The following TRA2A variants were observed in gnomAD, a reference collection of about 807,000 sequenced individuals.
TRA2A encodes transformer 2 alpha homolog, also known as transformer-2 protein homolog alpha.
TRA2A carries 31 observed loss-of-function variants against 45.7 expected under a neutral mutation model. That is an observed-to-expected ratio of 0.68 (90% CI 0.51 to 0.92). The LOEUF (loss-of-function observed/expected upper bound fraction) is 0.92, where lower values mean the gene tolerates loss of function less well. Ranked by LOEUF, TRA2A falls within the 40% of genes least tolerant of loss-of-function variation. The pLI is 0.00. For missense variants in TRA2A, 304 were observed against 367.5 expected (o/e 0.83, Z 1.41); for synonymous variants, 132 against 126.2 (o/e 1.05, Z -0.31).
chr7:23,516,260 A>C, intron 3 of TRA2A, 103 bp downstream of exon 3: 7 of 1,096,242 alleles, frequency 6.4e-6, no homozygotes, highest in Non-Finnish European at 9.3e-6. Context: ...TTTCCAGAGT[A>C]TCACTTCTAA....
chr7:23,531,650 G>A, intron 1 of TRA2A, 139 bp downstream of exon 1: 3 of 858,510 alleles, frequency 3.5e-6, no homozygotes, highest in Non-Finnish European at 5.5e-6. Context: ...AGCCATCTTG[G>A]GATGGGAGGA....
chr7:23,505,940 C>T lies in TRA2A; in HGVS notation c.771-127G>A, dbSNP rs534314131. ...TGATAACTACTTAATATTAAGTTCT[C>T]TTTCTGCCAATGAGACCAGAAAAGT... is the stretch of plus-strand genomic sequence containing the variant. On this transcript the variant is annotated intron_variant, in intron 6 of 7. Transcript: ENST00000297071. 79 of 705,646 alleles carry T rather than the reference C, an allele frequency of 1.1e-4. 1 individual carries two copies. The South Asian group carries it at 2.1e-3, about 19-fold the overall frequency. The allele number at this position is 705,646 out of a possible 1,614,324, so 43.7% of individuals were successfully genotyped here.
In TRA2A at chr7:23,521,747, T is replaced by G; in HGVS notation, c.130A>C (p.Lys44Gln). 6.2e-7 allele frequency: 1 copy of G among 1,614,180 alleles called. No homozygotes were observed. The highest frequency in any genetic ancestry group is 8.5e-7 in the Non-Finnish European group (1 of 1,180,022). The change falls in exon 2 of 8, where the codon AAA becomes CAA. Residue 44 changes from lysine to glutamine, a missense_variant. Lys to Gln is a moderately conservative substitution (Grantham distance 53). Around this residue, in one of 3 missense-constraint regions of TRA2A, gnomAD observed 132 missense variants for 113.4 expected, o/e 1.16. Coordinates refer to ENST00000297071, the MANE Select transcript of TRA2A (RefSeq NM_013293.5). The stretch of plus-strand genomic sequence containing the variant: ...GATCGAGAATGGGATTCAGAGTGTT[T>G]GGAAACCCTTGATGGACTACGAGAT... The part of the protein sequence containing the change: ...SGSRSPSRVS[K>Q]HSESHSRSRS...
rs563001575 is a variant in TRA2A at position 23,531,941 on chromosome 7, G to T, written c.-117C>A. 1.8e-5 allele frequency: 20 copies of T among 1,121,602 alleles called. No individual in the cohort carries two copies. The East Asian group carries it at 3.9e-4, about 22-fold the overall frequency. 69.5% of individuals were successfully genotyped at this position (1,121,602 alleles called of 1,614,324 possible). On this transcript the variant is annotated 5_prime_UTR_variant, in exon 1 of 8. Coordinates refer to ENST00000297071, the MANE Select transcript of TRA2A (RefSeq NM_013293.5). ...GAGGAAAGAGTCGGCAACCACAGCC[G>T]CTCCACTCCACTCCCACTCGGTCGC...
intron 1 of TRA2A, chr7:23,522,137 A>AC (rs1562798545): frequency 1.6e-6 from 2 of 1,216,340 alleles, no homozygotes; most frequent in Non-Finnish European, 1.0e-6. Flanking sequence ...TTAACCTAGG[A>AC]CCCATTCATT....
intron 4 of TRA2A, among the ~76,000 whole-genome samples, chr7:23,510,637 T>C (rs1045207824): frequency 3.9e-5 from 6 of 152,160 alleles, no homozygotes; most frequent in Admixed American, 3.3e-4. Flanking sequence ...CCTGCCATTT[T>C]AGTTTTATCC....
intron 1 of TRA2A, among the ~76,000 whole-genome samples, chr7:23,527,850 T>C (rs1194649996): frequency 2.0e-5 from 3 of 152,204 alleles, no homozygotes; most frequent in Non-Finnish European, 2.9e-5. Flanking sequence ...CTACTTATAT[T>C]GAGCAGATCA....
At chr7:23,530,133 ATAAT>A (rs1426505502) in intron 1 of TRA2A, among the ~76,000 whole-genome samples, 4 of 152,300 alleles carry the variant, frequency 2.6e-5, no homozygotes, top group African/African-American at 9.6e-5. Context: ...ATTTCTATCG[ATAAT>A]TACTCAACAT....
chr7:23,531,320 C>T, intron 1 of TRA2A: 3 of 904,694 alleles, frequency 3.3e-6, no homozygotes, highest in Non-Finnish European at 4.0e-6. Flanking sequence ...CCCACGCCAG[C>T]TTCTCCCCGC....
At chr7:23,520,404 A>G (rs1026066046) in intron 2 of TRA2A, among the ~76,000 whole-genome samples, 5 of 152,242 alleles carry the variant, frequency 3.3e-5, no homozygotes, top group African/African-American at 1.2e-4. Flanking sequence ...CAAAGGCCCT[A>G]AGGCAAAAAC....
rs539598910 is a variant in TRA2A at position 23,516,160 on chromosome 7, C to T, written c.336+203G>A. The stretch of plus-strand genomic sequence containing the variant: ...GTCTAAAAAAAAGAAAATATACTTC[C>T]TTTGCATTCTTTGTCATAAAACATG... On this transcript the variant is annotated intron_variant, in intron 3 of 7. Transcript: ENST00000297071. 3.3e-5 allele frequency among the ~76,000 whole-genome samples: 5 copies of T among 152,222 alleles called. No individual in the cohort carries two copies. In the East Asian group the frequency reaches 9.7e-4, roughly 29 times the overall value.
At chr7:23,510,528 C>T (rs1016557724) in intron 4 of TRA2A, among the ~76,000 whole-genome samples, 1 of 146,974 alleles carries the variant, frequency 6.8e-6, no homozygotes. Flanking sequence ...GGGTTTCACC[C>T]TGTTGGCCAG....
rs371285829 is a variant in TRA2A, at chr7:23,516,494, T to C, written c.205A>G (p.Thr69Ala). 3 of 1,614,048 alleles carry C rather than the reference T, an allele frequency of 1.9e-6. No homozygotes were observed. Among genetic ancestry groups the C allele is most frequent in the African/African-American group, 1.3e-5 (1 of 74,924 alleles). ...GAGTGAGAGTGGGATCTGGATCGAG[T>C]GTAACGTCTATGAGAATGTCTCCTT... ...RSRRHSHRRY[T>A]RSRSHSHSHR... The change falls in exon 3 of 8, where the codon ACT becomes GCT. Residue 69 changes from threonine (T) to alanine (A), a missense_variant. Physicochemically the swap from Thr to Ala is moderately conservative, Grantham distance 58 (BLOSUM62 0). Transcript: ENST00000297071.
intron 3 of TRA2A, among the ~76,000 whole-genome samples, chr7:23,514,224 C>T (rs1584120378): frequency 6.6e-6 from 1 of 151,776 alleles, no homozygotes; most frequent in African/African-American, 2.4e-5. Context: ...TGCACCACCA[C>T]CCCCAGCTAA....
intron 2 of TRA2A, among the ~76,000 whole-genome samples, chr7:23,519,336 G>C (rs970214252): frequency 3.3e-5 from 5 of 152,290 alleles, no homozygotes; most frequent in East Asian, 3.9e-4. Context: ...AGACATTGCA[G>C]TGAGGCCACT....
intron 2 of TRA2A, among the ~76,000 whole-genome samples, chr7:23,519,244 T>C (rs1790025751): frequency 6.6e-6 from 1 of 152,008 alleles, no homozygotes; most frequent in Non-Finnish European, 1.5e-5. Context: ...ATACAAAAAA[T>C]TAGCTGGGTG....
intron 4 of TRA2A, among the ~76,000 whole-genome samples, chr7:23,511,326 G>A (rs571667951): frequency 8.2e-4 from 108 of 132,294 alleles, no homozygotes; most frequent in African/African-American, 2.7e-3. Context: ...AGCTGAGATC[G>A]CGCCACTGCA....
rs70954385 is a variant in TRA2A at position 23,517,477 on chromosome 7, C to CAAAAAAAAAAAAAA, written c.171-963_171-950dup. On this transcript the variant is annotated intron_variant, in intron 2 of 7. Transcript: ENST00000297071. Reference sequence around the variant, plus strand: ...TGGGCGACAGAGCAAGACTACGTCTCAAAAAAAAAAAAAAAAAAAAAAAAA... The same window carrying CAAAAAAAAAAAAAA: ...TGGGCGACAGAGCAAGACTACGTCTCAAAAAAAAAAAAAAAAAAAAAAAAAAAAAAAAAAAAAAA... Among the ~76,000 whole-genome samples the CAAAAAAAAAAAAAA allele has an allele frequency of 5.5e-3, 77 of 13,924 alleles. 8 individuals are homozygous for CAAAAAAAAAAAAAA. The highest frequency in any genetic ancestry group is 7.6e-3 in the Non-Finnish European group (42 of 5,510). 9.1% of individuals were successfully genotyped at this position (13,924 alleles called of 152,430 possible). A position where few individuals can be genotyped will look rare whatever the true frequency, so the allele number is the denominator to read the frequency against.
At chr7:23,507,268 T>A in intron 5 of TRA2A, 152 bp downstream of exon 5, 1 of 610,690 alleles carries the variant, frequency 1.6e-6, no homozygotes, top group Non-Finnish European at 2.8e-6. Context: ...CCTGGCTGAT[T>A]TTTTATTTTT....
Sources: allele counts gnomAD v4.1 joint callset (sites outside exome capture counted in the v4.1 genomes callset), GRCh38; gene constraint gnomAD v4.1.1; regional missense constraint gnomAD v4.1.1; transcripts MANE v1.5; gene names NCBI Gene and HGNC (gene_info 2026-07-23, HGNC 2026-07-21).